The following SLC24A1 variants were observed in gnomAD, a reference collection of about 807,000 sequenced individuals.
SLC24A1 encodes the protein solute carrier family 24 member 1.
SLC24A1 carries 52 observed loss-of-function variants against 88.1 expected under a neutral mutation model. That is an observed-to-expected ratio of 0.59 (90% CI 0.47 to 0.74). The LOEUF (loss-of-function observed/expected upper bound fraction) is 0.74. SLC24A1 is among the 30% of genes least tolerant of loss of function. The pLI is 0.00. For missense variants in SLC24A1, 1,173 were observed against 1,363.3 expected (o/e 0.86, Z 2.20); for synonymous variants, 455 against 498.0 (o/e 0.91, Z 1.15).
chr15:65,639,620 G>A lies in SLC24A1; in HGVS notation c.1970G>A (p.Ser657Asn), dbSNP rs751251052. Residue 657 changes from serine (S) to asparagine (N), a missense_variant, in exon 4 of 10, where the codon AGC becomes AAC. Coordinates refer to ENST00000261892, the MANE Select transcript of SLC24A1 (RefSeq NM_004727.3). The part of the protein sequence containing the change: ...LKLPSLLTRG[S>N]SSTSLHNSTI... ...CTCCCGTCCTTGCTGACCCGAGGGAGCAGCTCGACCTCTCTGCACAACAGC... is the reference window on the plus strand; with the variant it reads ...CTCCCGTCCTTGCTGACCCGAGGGAACAGCTCGACCTCTCTGCACAACAGC... The A allele has an allele frequency of 6.8e-6, 11 of 1,611,588 alleles. No individual in the cohort carries two copies. The East Asian group carries it at 2.5e-4, about 36-fold the overall frequency.
At chr15:65,638,344 T>C (rs2075009581) in intron 3 of SLC24A1, among the ~76,000 whole-genome samples, 163 bp downstream of exon 3, 1 of 152,048 alleles carries the variant, frequency 6.6e-6, no homozygotes, top group African/African-American at 2.4e-5. Context: ...AGAGGGCTCT[T>C]TTTCTGAGAA....
intron 4 of SLC24A1, among the ~76,000 whole-genome samples, chr15:65,641,069 A>C (rs1326046432): frequency 6.6e-6 from 1 of 151,638 alleles, no homozygotes; most frequent in Non-Finnish European, 1.5e-5. Flanking sequence ...TCAAATAAAT[A>C]AATAAATAAA....
At chr15:65,638,739 ATC>A (rs1435225393) in intron 3 of SLC24A1, among the ~76,000 whole-genome samples, 1 of 152,050 alleles carries the variant, frequency 6.6e-6, no homozygotes, top group African/African-American at 2.4e-5. Flanking sequence ...TCCAAAGAAA[ATC>A]TCTGACTTGT....
Position 65,653,949 on chromosome 15 carries a change from C to T in SLC24A1, c.3170C>T (p.Ser1057Phe). ...TTTCTCATGCTTCTGTTTGTGATCT[C>T]TTCAATTGCGTCATGTAAATGGAGA... The part of the protein sequence containing the change: ...LLFLMLLFVI[S>F]SIASCKWRMN... Residue 1057 changes from serine (S) to phenylalanine (F), a missense_variant, in exon 10 of 10, where the codon TCT becomes TTT. Physicochemically the swap from Ser to Phe is radical, Grantham distance 155 (BLOSUM62 -2). Transcript: ENST00000261892. The T allele has an allele frequency of 6.2e-7, 1 of 1,613,980 alleles. No homozygotes were observed. Among genetic ancestry groups the T allele is most frequent in the East Asian group, 2.2e-5 (1 of 44,880 alleles).
Position 65,625,151 on chromosome 15 carries a change from C to T in SLC24A1, c.1071C>T (p.Ile357=). Residue 357 remains isoleucine (I), a synonymous_variant, in exon 2 of 10, where the codon ATC becomes ATT. Transcript: ENST00000261892. ...NPSPRTSVSA[I]KTAPAIVWRL... The stretch of plus-strand genomic sequence containing the variant: ...CACCCAGGACCAGTGTATCAGCCAT[C>T]AAAACAGCCCCAGCCATAGTCTGGA... 1.9e-6 allele frequency: 3 copies of T among 1,613,764 alleles called. No individual in the cohort carries two copies. The highest frequency in any genetic ancestry group is 2.5e-6 in the Non-Finnish European group (3 of 1,179,882).
rs901479546 is a variant in SLC24A1, at chr15:65,650,282, A to G, written c.2233-100A>G. The stretch of plus-strand genomic sequence containing the variant: ...TTTCTCCTCATACTTAAGTTTTCAG[A>G]TACCTTCTGAGAAGCACGCCAACAA... On this transcript the variant is annotated intron_variant, in intron 6 of 9. Coordinates refer to ENST00000261892, the MANE Select transcript of SLC24A1 (RefSeq NM_004727.3). This position sits in a 1 kb window ranked among gnomAD's most constrained non-coding sequence, Gnocchi z 4.1. The G allele has an allele frequency of 1.0e-6, 1 of 956,998 alleles. No homozygotes were observed. The highest frequency in any genetic ancestry group is 1.7e-5 in the African/African-American group (1 of 60,258). The allele number at this position is 956,998 out of a possible 1,614,324, so 59.3% of individuals were successfully genotyped here. A position where few individuals can be genotyped will look rare whatever the true frequency, so the allele number is the denominator to read the frequency against.
chr15:65,654,722 T>G lies in SLC24A1; in HGVS notation c.*643T>G, dbSNP rs2141744546. ...CCAGTATTTTCTTTTTTTTTTTTTT[T>G]GAGACAGAGTTTGGCTCTTGTTGCC... On this transcript the variant is annotated 3_prime_UTR_variant, in exon 10 of 10. Coordinates refer to ENST00000261892, the MANE Select transcript of SLC24A1 (RefSeq NM_004727.3). 8.3e-7 allele frequency: 1 copy of G among 1,202,960 alleles called. No homozygotes were observed. Among genetic ancestry groups the G allele is most frequent in the South Asian group, 1.3e-5 (1 of 77,866 alleles). The allele number at this position is 1,202,960 out of a possible 1,614,324, so 74.5% of individuals were successfully genotyped here.
rs1027125829 is a variant in SLC24A1, at chr15:65,622,625, T to A, written c.-127+533T>A. Among the ~76,000 whole-genome samples the A allele has an allele frequency of 2.6e-5, 4 of 152,190 alleles. 1 individual carries two copies. Among genetic ancestry groups the A allele is most frequent in the African/African-American group, 9.7e-5 (4 of 41,448 alleles). On this transcript the variant is annotated intron_variant, in intron 1 of 9. Coordinates refer to ENST00000261892, the MANE Select transcript of SLC24A1 (RefSeq NM_004727.3). The stretch of plus-strand genomic sequence containing the variant: ...GGACATTAATTAGAGATTTAATAAA[T>A]AGTTACTTGGGCTGGGCCTCAATGC...
intron 5 of SLC24A1, among the ~76,000 whole-genome samples, chr15:65,644,779 G>C (rs904224202): frequency 6.6e-6 from 1 of 152,202 alleles, no homozygotes; most frequent in Non-Finnish European, 1.5e-5. Flanking sequence ...TCCACAGCTG[G>C]GGTAGGCGAG....
chr15:65,624,376 G>C lies in SLC24A1; in HGVS notation c.296G>C (p.Ser99Thr), dbSNP rs1437960354. ...CTGGTACCCCAAGCCTCAGTGGGCA[G>C]TGATGAAGCAACACTGAGCATGACA... ...KMLVPQASVGSDEATLSMTVE... is the reference protein window; with the variant it reads ...KMLVPQASVGTDEATLSMTVE... Residue 99 changes from serine (S) to threonine (T), a missense_variant, in exon 2 of 10, where the codon AGT becomes ACT. Transcript: ENST00000261892. The C allele has an allele frequency of 6.2e-7, 1 of 1,613,788 alleles. No homozygotes were observed. The highest frequency in any genetic ancestry group is 8.5e-7 in the Non-Finnish European group (1 of 1,179,790).
intron 2 of SLC24A1, among the ~76,000 whole-genome samples, chr15:65,629,301 A>C (rs531216505): frequency 6.6e-6 from 1 of 152,244 alleles, no homozygotes; most frequent in African/African-American, 2.4e-5. Flanking sequence ...AGTGATTCTA[A>C]TCAGAATTTA....
intron 9 of SLC24A1, among the ~76,000 whole-genome samples, chr15:65,653,104 G>A (rs1469202267): frequency 6.6e-6 from 1 of 152,192 alleles, no homozygotes; most frequent in Non-Finnish European, 1.5e-5. Context: ...TGACTTTCAA[G>A]GCGGTGGAGG....
chr15:65,651,912 TC>T (rs1387085997), intron 8 of SLC24A1, 153 bp downstream of exon 8: 7 of 661,652 alleles, frequency 1.1e-5, no homozygotes, highest in Non-Finnish European at 2.0e-5. Context: ...GACTTTTTAT[TC>T]CAGTGAACGC....
chr15:65,630,483 A>AC (rs992522485), intron 2 of SLC24A1, among the ~76,000 whole-genome samples: 30 of 150,374 alleles, frequency 2.0e-4, no homozygotes, highest in Admixed American at 8.6e-4. Context: ...GCCGCCGAGA[A>AC]CCCCCCCTGC....
chr15:65,644,663 G>C, intron 5 of SLC24A1, 150 bp downstream of exon 5: 1 of 619,786 alleles, frequency 1.6e-6, no homozygotes, highest in Non-Finnish European at 2.9e-6. Context: ...TGATGGTAGG[G>C]TGTTGCCCTG....
Position 65,655,215 on chromosome 15 carries a change from C to T in SLC24A1, c.*1136C>T, listed in dbSNP as rs2075640721. 4.1e-6 allele frequency: 4 copies of T among 986,520 alleles called. No homozygotes were observed. The South Asian group carries it at 1.9e-4, about 46-fold the overall frequency. 61.1% of individuals were successfully genotyped at this position (986,520 alleles called of 1,614,324 possible). A position where few individuals can be genotyped will look rare whatever the true frequency, so the allele number is the denominator to read the frequency against. ...GAGTGGAGTGGGAAGGGAAGTCATT[C>T]TAAAGAGTCCAAAGTCAGTAGCGCC... On this transcript the variant is annotated 3_prime_UTR_variant, in exon 10 of 10. Transcript: ENST00000261892.
intron 6 of SLC24A1, among the ~76,000 whole-genome samples, chr15:65,646,460 C>A (rs1163574329): frequency 6.6e-6 from 1 of 151,424 alleles, no homozygotes; most frequent in Admixed American, 6.6e-5. Context: ...TTTCATATAT[C>A]CTCATCTTAC....
chr15:65,624,201 C>T lies in SLC24A1; in HGVS notation c.121C>T (p.Leu41Phe). 5.0e-6 allele frequency: 8 copies of T among 1,613,872 alleles called. No homozygotes were observed. The highest frequency in any genetic ancestry group is 6.8e-6 in the Non-Finnish European group (8 of 1,179,866). Residue 41 changes from leucine (L) to phenylalanine (F), a missense_variant, in exon 2 of 10, where the codon CTT (leucine) becomes TTT (phenylalanine). Coordinates refer to ENST00000261892, the MANE Select transcript of SLC24A1 (RefSeq NM_004727.3). ...MLIIGSTYQH[L>F]RRPRGLSSLW... ...GATCATCGGTTCTACTTATCAGCAC[C>T]TTAGGAGACCCCGGGGCCTTTCCTC...
intron 2 of SLC24A1, 121 bp downstream of exon 2, chr15:65,626,091 C>G (rs553378194): frequency 3.0e-5 from 23 of 761,078 alleles, no homozygotes; most frequent in Non-Finnish European, 4.6e-5. Context: ...GGTTCCCTTA[C>G]TATTTATTCA....
Sources: allele counts gnomAD v4.1 joint callset (sites outside exome capture counted in the v4.1 genomes callset), GRCh38; gene constraint gnomAD v4.1.1; non-coding constraint Gnocchi (gnomAD v3.1); transcripts MANE v1.5; gene names NCBI Gene and HGNC (gene_info 2026-07-23, HGNC 2026-07-21).